Variants in PRLR observed in about 807,000 individuals in gnomAD.
The protein encoded by PRLR is hPRL receptor.
Under a neutral mutation model 40.2 loss-of-function variants are expected in PRLR, and 13 were observed. The ratio of observed to expected loss-of-function variants is 0.32; its 90% confidence interval spans 0.21 to 0.51. The LOEUF (loss-of-function observed/expected upper bound fraction) is 0.51, where lower values mean the gene tolerates loss of function less well. Among genes scored for constraint, PRLR ranks in the 20% least tolerant of loss-of-function variants. PRLR has a pLI of 0.97. For synonymous variants in PRLR, 269 were observed against 278.7 expected, an observed-to-expected ratio of 0.97 and a Z score of 0.35; for missense variants, 656 against 747.3, an observed-to-expected ratio of 0.88 and a Z score of 1.42.
intron 1 of PRLR, among the ~76,000 whole-genome samples, chr5:35,122,605 T>C (rs1462412917): frequency 1.3e-5 from 2 of 152,150 alleles, no homozygotes; most frequent in Non-Finnish European, 2.9e-5. Context: ...AGGCCAATGT[T>C]AGTCTTTAGT....
intron 1 of PRLR, among the ~76,000 whole-genome samples, chr5:35,227,899 G>C (rs879630094): frequency 1.3e-5 from 2 of 152,194 alleles, no homozygotes; most frequent in Admixed American, 1.3e-4. Context: ...GGTCAAAAGA[G>C]AACTGAGAGA....
Position 35,063,907 on chromosome 5 carries a change from T to C in PRLR, c.*1182A>G, listed in dbSNP as rs1156310399. 2.0e-5 allele frequency: 3 copies of C among 152,218 alleles called. No homozygotes were observed. The highest frequency in any genetic ancestry group is 7.2e-5 in the African/African-American group (3 of 41,450). 9.4% of individuals were successfully genotyped at this position (152,218 alleles called of 1,614,324 possible). ...CTAGGTTGGTGGTGGTGGTAGCAGT[T>C]GTTTAAAGTGTCCTGGAGATCAAAA... On this transcript the variant is annotated 3_prime_UTR_variant, in exon 10 of 10. Coordinates refer to ENST00000618457, the MANE Select transcript of PRLR (RefSeq NM_000949.7).
intron 5 of PRLR, 66 bp downstream of exon 5, chr5:35,084,404 T>A: frequency 7.0e-7 from 1 of 1,422,134 alleles, no homozygotes; most frequent in Non-Finnish European, 9.3e-7. Flanking sequence ...AGACTCAAAC[T>A]GAGTGTGACT....
intron 1 of PRLR, among the ~76,000 whole-genome samples, chr5:35,166,859 G>T (rs1453777915): frequency 6.6e-6 from 1 of 152,068 alleles, no homozygotes; most frequent in Non-Finnish European, 1.5e-5. Context: ...CTTTTTAATA[G>T]TAATTATTGG....
At chr5:35,099,300 G>A (rs568773029) in intron 2 of PRLR, among the ~76,000 whole-genome samples, 1 of 152,294 alleles carries the variant, frequency 6.6e-6, no homozygotes, top group African/African-American at 2.4e-5. Flanking sequence ...AGATGACAAT[G>A]GGGCTGAAAA....
rs1485325101 is a variant in PRLR, at chr5:35,059,991, G to A, written c.*5098C>T. 1 of 152,114 alleles carries A rather than the reference G, an allele frequency of 6.6e-6. No individual in the cohort carries two copies. Among genetic ancestry groups the A allele is most frequent in the African/African-American group, 2.4e-5 (1 of 41,410 alleles). The allele number at this position is 152,114 out of a possible 1,614,324, so 9.4% of individuals were successfully genotyped here. On this transcript the variant is annotated 3_prime_UTR_variant, in exon 10 of 10. Coordinates refer to ENST00000618457, the MANE Select transcript of PRLR (RefSeq NM_000949.7). ...TAGGACTACAGGTACGTGTCACCAT[G>A]GCTGGCTAATTTTTAAAATTTTTGT...
intron 1 of PRLR, among the ~76,000 whole-genome samples, chr5:35,171,047 C>T (rs1412118247): frequency 7.0e-6 from 1 of 142,418 alleles, no homozygotes; most frequent in Non-Finnish European, 1.5e-5. Flanking sequence ...CTGTTTTTCC[C>T]TGTTTTTTTT....
intron 1 of PRLR, among the ~76,000 whole-genome samples, chr5:35,169,343 G>A (rs1468378989): frequency 6.6e-6 from 1 of 152,070 alleles, no homozygotes; most frequent in Non-Finnish European, 1.5e-5. Flanking sequence ...TATACTTCAG[G>A]CTTATAAATA....
At chr5:35,090,972 G>A (rs183342666) in intron 2 of PRLR, among the ~76,000 whole-genome samples, 117 of 151,870 alleles carry the variant, frequency 7.7e-4, no homozygotes, top group Admixed American at 1.5e-3. Context: ...CACGATGCCC[G>A]GCTAATTTTT....
intron 1 of PRLR, among the ~76,000 whole-genome samples, chr5:35,135,738 C>T (rs1018142439): frequency 5.3e-5 from 8 of 152,166 alleles, no homozygotes; most frequent in African/African-American, 1.9e-4. Context: ...ACGCGGCAAT[C>T]ACGATGCCTG....
intron 1 of PRLR, among the ~76,000 whole-genome samples, chr5:35,154,853 T>C (rs1380370134): frequency 1.3e-5 from 2 of 152,258 alleles, no homozygotes; most frequent in East Asian, 3.9e-4. Flanking sequence ...TGGATGGAGC[T>C]GAAAGCCATT....
intron 2 of PRLR, among the ~76,000 whole-genome samples, chr5:35,099,371 T>C (rs1440745324): frequency 6.6e-6 from 1 of 152,208 alleles, no homozygotes; most frequent in Non-Finnish European, 1.5e-5. Context: ...CTTTACGCCG[T>C]GTTTGTGGTG....
At chr5:35,127,892 T>C (rs2111760698) in intron 1 of PRLR, among the ~76,000 whole-genome samples, 1 of 152,164 alleles carries the variant, frequency 6.6e-6, no homozygotes, top group South Asian at 2.1e-4. Flanking sequence ...GTCATGTACT[T>C]CTTGGGGTGA....
intron 5 of PRLR, among the ~76,000 whole-genome samples, chr5:35,076,293 C>T (rs1039472299): frequency 1.3e-5 from 2 of 152,022 alleles, no homozygotes; most frequent in African/African-American, 4.8e-5. Flanking sequence ...AGCTAAAAAC[C>T]TCAAAAAAGA....
intron 1 of PRLR, among the ~76,000 whole-genome samples, chr5:35,186,050 A>G (rs950420200): frequency 6.6e-6 from 1 of 152,090 alleles, no homozygotes; most frequent in African/African-American, 2.4e-5. Flanking sequence ...TTAAGTGCAC[A>G]CTGGGCACGG....
chr5:35,065,961 G>A lies in PRLR; in HGVS notation c.997C>T (p.His333Tyr), dbSNP rs767941845. The stretch of plus-strand genomic sequence containing the variant: ...GTGGGTTTCATACCTTGACTTGGGT[G>A]TTCTTTTGAATGGACTGACATTAGA... ...QHLMSVHSKE[H>Y]PSQGMKPTYL... The change falls in exon 10 of 10, where the codon CAC (histidine) becomes TAC (tyrosine). Residue 333 changes from histidine (H) to tyrosine (Y), a missense_variant. By Grantham distance (83) the His-to-Tyr change is moderately conservative. Around this residue, in one of 3 missense-constraint regions of PRLR, gnomAD observed 469 missense variants for 491.5 expected, o/e 0.95. Coordinates refer to ENST00000618457, the MANE Select transcript of PRLR (RefSeq NM_000949.7). The A allele has an allele frequency of 3.7e-6, 6 of 1,614,138 alleles. No individual in the cohort carries two copies. In the South Asian group the frequency reaches 4.4e-5, roughly 12 times the overall value.
intron 5 of PRLR, 96 bp downstream of exon 5, chr5:35,084,374 G>A: frequency 8.4e-7 from 1 of 1,193,198 alleles, no homozygotes; most frequent in Admixed American, 2.9e-5. Context: ...TCTTTTTGGG[G>A]ATCCATCCAA....
chr5:35,127,701 C>T (rs1773516678), intron 1 of PRLR, among the ~76,000 whole-genome samples: 1 of 152,152 alleles, frequency 6.6e-6, no homozygotes, highest in African/African-American at 2.4e-5. Flanking sequence ...ATACATGCTA[C>T]AACACGAATA....
At chr5:35,201,089 C>T (rs1775871768) in intron 1 of PRLR, among the ~76,000 whole-genome samples, 1 of 152,108 alleles carries the variant, frequency 6.6e-6, no homozygotes, top group South Asian at 2.1e-4. Flanking sequence ...ACTTAAGCCC[C>T]CAGAACCTTA....
Sources: allele counts gnomAD v4.1 joint callset (sites outside exome capture counted in the v4.1 genomes callset), GRCh38; gene constraint gnomAD v4.1.1; regional missense constraint gnomAD v4.1.1; transcripts MANE v1.5; gene names NCBI Gene and HGNC (gene_info 2026-07-23, HGNC 2026-07-21).